Variants in SLC26A4 observed in about 807,000 individuals in gnomAD.
SLC26A4 encodes the protein pendrin.
Under a neutral mutation model 90.4 loss-of-function variants are expected in SLC26A4, and 93 were observed. The observed-to-expected ratio is 1.03, with a 90% CI of 0.87 to 1.22. The LOEUF is 1.22. Ranked by LOEUF, SLC26A4 falls within the 50% of genes most tolerant of loss-of-function variation. The probability of loss-of-function intolerance (pLI) is 0.00; values close to 1 mark genes in which losing one functional copy is unlikely to be tolerated. For missense variants in SLC26A4, 1,127 were observed against 946.2 expected (o/e 1.19, Z -2.51); for synonymous variants, 393 against 354.6 (o/e 1.11, Z -1.22).
chr7:107,710,335 C>T, intron 19 of SLC26A4, 136 bp downstream of exon 19: 1 of 706,248 alleles, frequency 1.4e-6, no homozygotes, highest in Admixed American at 2.3e-5. Context: ...TCAGTTTTTT[C>T]ATCAGTAAAA....
intron 6 of SLC26A4, among the ~76,000 whole-genome samples, chr7:107,678,307 A>C (rs1224701791): frequency 6.6e-6 from 1 of 152,218 alleles, no homozygotes; most frequent in East Asian, 1.9e-4. Context: ...CCAGTGACTC[A>C]TTAACCTACC....
rs1790543957 is a variant in SLC26A4, at chr7:107,661,367, G to T, written c.-3-272G>T. ...GGAACTCGGGAAGCCCCCAGAGCAG[G>T]GGCTTACTCGCTTCAAGTTTGGGGA... On this transcript the variant is annotated intron_variant, in intron 1 of 20. Coordinates refer to ENST00000644269, the MANE Select transcript of SLC26A4 (RefSeq NM_000441.2). The surrounding 1 kb of genome is among the most constrained non-coding windows in gnomAD (Gnocchi z 5.1). 1.1e-5 allele frequency: 6 copies of T among 567,324 alleles called. No homozygotes were observed. The Admixed American group carries it at 1.8e-4, about 17-fold the overall frequency. The allele number at this position is 567,324 out of a possible 1,614,324, so 35.1% of individuals were successfully genotyped here. A position where few individuals can be genotyped will look rare whatever the true frequency, so the allele number is the denominator to read the frequency against.
At chr7:107,709,573 C>A (rs1014354442) in intron 18 of SLC26A4, among the ~76,000 whole-genome samples, 10 of 152,088 alleles carry the variant, frequency 6.6e-5, no homozygotes, top group African/African-American at 2.2e-4. Context: ...CAGCTCCCAA[C>A]GGGCAAGGGA....
intron 8 of SLC26A4, among the ~76,000 whole-genome samples, chr7:107,686,412 T>TCTTG: frequency 2.0e-5 from 1 of 50,924 alleles, no homozygotes; most frequent in South Asian, 6.4e-4. Context: ...CTTTTTTCTT[T>TCTTG]CTTTCTTTCT....
At chr7:107,705,938 C>T (rs763740480) in intron 18 of SLC26A4, among the ~76,000 whole-genome samples, 1 of 152,218 alleles carries the variant, frequency 6.6e-6, no homozygotes, top group Non-Finnish European at 1.5e-5. Flanking sequence ...TTGAAATTTA[C>T]ACTGAGTTGC....
At chr7:107,683,915 A>T (rs1344580682) in intron 8 of SLC26A4, among the ~76,000 whole-genome samples, 1 of 152,158 alleles carries the variant, frequency 6.6e-6, no homozygotes, top group Admixed American at 6.6e-5. Context: ...TCTGGCCTAA[A>T]TTCTCTATCA....
intron 19 of SLC26A4, among the ~76,000 whole-genome samples, chr7:107,712,105 A>G (rs111668723): frequency 3.3e-5 from 5 of 152,346 alleles, no homozygotes; most frequent in African/African-American, 7.2e-5. Context: ...TCCATCTCCA[A>G]TAGAATTAAT....
chr7:107,702,700 A>G (rs1791930821), intron 17 of SLC26A4, among the ~76,000 whole-genome samples: 1 of 151,874 alleles, frequency 6.6e-6, no homozygotes. Context: ...AAAAAAAAAA[A>G]AAGAATATCT....
At position 107,674,948 on chromosome 7, in the gene SLC26A4, A is replaced by G. The variant is rs747971702; in HGVS notation, c.604A>G (p.Ile202Val). The G allele has an allele frequency of 3.1e-6, 5 of 1,613,864 alleles. No homozygotes were observed. The highest frequency in any genetic ancestry group is 4.2e-6 in the Non-Finnish European group (5 of 1,179,922). The change falls in exon 6 of 21, where the codon ATA becomes GTA. Residue 202 changes from isoleucine to valine, a missense_variant. Coordinates refer to ENST00000644269, the MANE Select transcript of SLC26A4 (RefSeq NM_000441.2). ...TCTTTCCTTTTCCTTATCGTAGTTG[A>G]TATTTGGTGGCTTGCAGATTGGATT... ...LTLLVGIIQL[I>V]FGGLQIGFIV...
chr7:107,700,326 T>A (rs1791854153), intron 15 of SLC26A4, 151 bp downstream of exon 15: 1 of 622,902 alleles, frequency 1.6e-6, no homozygotes, highest in Non-Finnish European at 2.9e-6. Context: ...CATCCTTGCC[T>A]TCAAATAATT....
In SLC26A4 at chr7:107,704,394, A is replaced by C. The variant is rs369504960; in HGVS notation, c.2089+9A>C. On this transcript the variant is annotated intron_variant, in intron 18 of 20. Transcript: ENST00000644269. ...TTTTGCATCACTTCAAGGTAAATAC[A>C]TATATCTACATATCTACCTGTAAGA... 9.8e-6 allele frequency: 11 copies of C among 1,122,838 alleles called. 1 individual carries two copies. In the Admixed American group the frequency reaches 1.2e-4, roughly 12 times the overall value. The allele number at this position is 1,122,838 out of a possible 1,614,324, so 69.6% of individuals were successfully genotyped here. A position where few individuals can be genotyped will look rare whatever the true frequency, so the allele number is the denominator to read the frequency against.
chr7:107,672,388 A>G (rs1790896210), intron 4 of SLC26A4, 140 bp downstream of exon 4: 1 of 164,484 alleles, frequency 6.1e-6, no homozygotes, highest in African/African-American at 2.5e-5. Context: ...GAAAACCGCA[A>G]TTACTTTTGC....
chr7:107,687,640 C>T (rs1370803034), intron 8 of SLC26A4, among the ~76,000 whole-genome samples: 1 of 152,180 alleles, frequency 6.6e-6, no homozygotes, highest in African/African-American at 2.4e-5. Flanking sequence ...ACACTTTGCA[C>T]ACCTGGATAA....
chr7:107,685,617 C>A (rs1292514567), intron 8 of SLC26A4, among the ~76,000 whole-genome samples: 2 of 152,236 alleles, frequency 1.3e-5, no homozygotes, highest in East Asian at 3.8e-4. Context: ...CCATGCCCTT[C>A]CCTCTACTCC....
intron 6 of SLC26A4, among the ~76,000 whole-genome samples, chr7:107,680,266 T>A (rs13311388): frequency 2.1e-4 from 25 of 119,134 alleles, no homozygotes; most frequent in African/African-American, 5.1e-4. Flanking sequence ...TATAATCTTA[T>A]CTTATTATAT....
chr7:107,689,230 TATAGG>T (rs1278136836), intron 9 of SLC26A4, 30 bp downstream of exon 9: 6 of 1,611,296 alleles, frequency 3.7e-6, no homozygotes, highest in Non-Finnish European at 5.1e-6. Context: ...GAACTGGTTT[TATAGG>T]GCTGGAAACA....
intron 19 of SLC26A4, among the ~76,000 whole-genome samples, chr7:107,710,418 T>C (rs1792150252): frequency 6.6e-6 from 1 of 152,236 alleles, no homozygotes; most frequent in Non-Finnish European, 1.5e-5. Flanking sequence ...AATTACCTGG[T>C]AGTACCCAGT....
intron 6 of SLC26A4, among the ~76,000 whole-genome samples, chr7:107,679,024 A>C (rs1309226828): frequency 6.6e-6 from 1 of 152,248 alleles, no homozygotes; most frequent in Non-Finnish European, 1.5e-5. Context: ...AATGCAAAGA[A>C]ATAGGGGAGA....
intron 10 of SLC26A4, chr7:107,692,158 C>A: frequency 9.5e-7 from 1 of 1,052,308 alleles, no homozygotes. Flanking sequence ...TACCCCCTGC[C>A]ACATACTGGC....
Sources: allele counts gnomAD v4.1 joint callset (sites outside exome capture counted in the v4.1 genomes callset), GRCh38; gene constraint gnomAD v4.1.1; non-coding constraint Gnocchi (gnomAD v3.1); transcripts MANE v1.5; gene names NCBI Gene and HGNC (gene_info 2026-07-23, HGNC 2026-07-21).